Variants in IGSF11 observed in about 807,000 individuals in gnomAD.
The protein encoded by IGSF11 is immunoglobulin superfamily member 11, also known as CXADR like 1.
In IGSF11, 22 loss-of-function variants were observed where a neutral mutation model predicts 41.0. That is an observed-to-expected ratio of 0.54 (90% CI 0.38 to 0.77). The LOEUF is 0.77. Among genes scored for constraint, IGSF11 ranks in the 30% least tolerant of loss-of-function variants. The pLI, the probability that IGSF11 is intolerant of heterozygous loss-of-function variation, is 0.00. For synonymous variants in IGSF11, 219 were observed against 201.3 expected, an observed-to-expected ratio of 1.09 and a Z score of -0.74; for missense variants, 444 against 530.8, an observed-to-expected ratio of 0.84 and a Z score of 1.61.
At chr3:118,924,543 T>C (rs1389676883) in intron 4 of IGSF11, among the ~76,000 whole-genome samples, 1 of 152,126 alleles carries the variant, frequency 6.6e-6, no homozygotes, top group Non-Finnish European at 1.5e-5. Flanking sequence ...CCAGATTTTA[T>C]AGAAGACAAA....
chr3:119,047,584 C>T (rs973600313), intron 1 of IGSF11, among the ~76,000 whole-genome samples: 3 of 152,074 alleles, frequency 2.0e-5, no homozygotes, highest in Non-Finnish European at 2.9e-5. Flanking sequence ...ATTAGACAGA[C>T]CAATGAGACA....
intron 1 of IGSF11, among the ~76,000 whole-genome samples, chr3:119,020,328 T>C (rs1428230184): frequency 6.6e-6 from 1 of 152,146 alleles, no homozygotes; most frequent in East Asian, 1.9e-4. Flanking sequence ...TGCCTCAGAC[T>C]CCACCTGTTT....
At chr3:119,110,128 C>A (rs1490402084), upstream of IGSF11, among the ~76,000 whole-genome samples, 2 of 152,226 alleles carry the variant, frequency 1.3e-5, no homozygotes, top group East Asian at 3.9e-4. Flanking sequence ...GAGCTGAGTT[C>A]AATTCCTGGG....
At position 118,902,447 on chromosome 3, in the gene IGSF11, T is replaced by TGCCCC; in HGVS notation, c.*72_*73insGGGGC. The TGCCCC allele has an allele frequency of 3.5e-6, 2 of 563,914 alleles. No individual in the cohort carries two copies. The highest frequency in any genetic ancestry group is 3.2e-5 in the East Asian group (1 of 31,444). The allele number at this position is 563,914 out of a possible 1,614,324, so 34.9% of individuals were successfully genotyped here. On this transcript the variant is annotated 3_prime_UTR_variant, in exon 7 of 7. Transcript: ENST00000393775. ...TAAGGAAGTGTTTCTTTCCCAGCACTCCCCACCCCACCCTCCCCCTTGTAT... is the reference window on the plus strand; with the variant it reads ...TAAGGAAGTGTTTCTTTCCCAGCACTGCCCCCCCCACCCCACCCTCCCCCTTGTAT...
intron 1 of IGSF11, among the ~76,000 whole-genome samples, chr3:119,044,825 G>C (rs956831553): frequency 2.6e-5 from 4 of 152,104 alleles, no homozygotes; most frequent in African/African-American, 9.7e-5. Context: ...ACGAAGGAGA[G>C]ATAAAGTCTT....
intron 1 of IGSF11, among the ~76,000 whole-genome samples, chr3:118,974,399 G>A (rs1004977856): frequency 2.0e-5 from 3 of 152,200 alleles, no homozygotes; most frequent in African/African-American, 7.2e-5. Context: ...TATTAGCAAT[G>A]AGAATCATCA....
At position 118,961,951 on chromosome 3, in the gene IGSF11, T is replaced by C. The variant is rs117667023; in HGVS notation, c.53-31676A>G. 2.7e-3 allele frequency among the ~76,000 whole-genome samples: 413 copies of C among 152,312 alleles called. 16 individuals are homozygous for C. The highest frequency in any genetic ancestry group is 0.019 in the Admixed American group (297 of 15,298). Reference sequence around the variant, plus strand: ...CTCATTTCTTATACTTTAATAAATGTGGTATGCCCCATGAAAGTTATTTCA... The same window carrying C: ...CTCATTTCTTATACTTTAATAAATGCGGTATGCCCCATGAAAGTTATTTCA... On this transcript the variant is annotated intron_variant, in intron 1 of 6. Transcript: ENST00000393775.
chr3:119,060,551 T>C (rs1031873826), intron 1 of IGSF11, among the ~76,000 whole-genome samples: 3 of 152,328 alleles, frequency 2.0e-5, no homozygotes, highest in Middle Eastern at 3.4e-3. Context: ...AACACAATCA[T>C]CTTATTTAAA....
intron 1 of IGSF11, among the ~76,000 whole-genome samples, chr3:118,933,967 A>G (rs913889915): frequency 6.6e-6 from 1 of 151,460 alleles, no homozygotes; most frequent in Non-Finnish European, 1.5e-5. Flanking sequence ...CTTATCATAG[A>G]CTTCCCCCTC....
intron 1 of IGSF11, among the ~76,000 whole-genome samples, chr3:119,028,302 T>A (rs1170044276): frequency 6.6e-6 from 1 of 152,158 alleles, no homozygotes; most frequent in African/African-American, 2.4e-5. Context: ...CAACTGCCAG[T>A]CTTGCCAAAC....
intron 1 of IGSF11, among the ~76,000 whole-genome samples, chr3:119,130,791 A>G (rs1266412477): frequency 6.6e-6 from 1 of 152,182 alleles, no homozygotes; most frequent in Non-Finnish European, 1.5e-5. Flanking sequence ...GGGCCAAAAG[A>G]CACCTCATAC....
intron 1 of IGSF11, among the ~76,000 whole-genome samples, chr3:119,019,418 G>A (rs755017895): frequency 1.3e-5 from 2 of 148,996 alleles, no homozygotes; most frequent in Non-Finnish European, 3.0e-5. Context: ...TCAGGAAGAT[G>A]ATTAGATTGG....
chr3:119,038,095 G>C (rs1237019790), upstream of IGSF11, among the ~76,000 whole-genome samples: 1 of 152,002 alleles, frequency 6.6e-6, no homozygotes, highest in Non-Finnish European at 1.5e-5. Flanking sequence ...CCTTTTAGAA[G>C]TAAAATTTTA....
chr3:118,972,245 T>C (rs572889919), intron 1 of IGSF11, among the ~76,000 whole-genome samples: 1 of 152,324 alleles, frequency 6.6e-6, no homozygotes, highest in African/African-American at 2.4e-5. Context: ...TCCAGACAGA[T>C]ACAAGGATTT....
intron 1 of IGSF11, among the ~76,000 whole-genome samples, chr3:119,023,675 A>G (rs1369781105): frequency 6.6e-6 from 1 of 152,218 alleles, no homozygotes; most frequent in East Asian, 1.9e-4. Context: ...AAACATGAAC[A>G]TGAATTAGTT....
At chr3:118,967,954 G>A (rs1945798229) in intron 1 of IGSF11, among the ~76,000 whole-genome samples, 1 of 152,092 alleles carries the variant, frequency 6.6e-6, no homozygotes, top group African/African-American at 2.4e-5. Flanking sequence ...ACACAGGGTA[G>A]TTTCCAGTTC....
Position 119,066,860 on chromosome 3 carries a change from A to G in IGSF11, c.49+38284T>C, listed in dbSNP as rs373893006. Among the ~76,000 whole-genome samples the G allele has an allele frequency of 5.0e-4, 76 of 152,260 alleles. 1 individual carries two copies. The highest frequency in any genetic ancestry group is 1.8e-3 in the African/African-American group (75 of 41,552). On this transcript the variant is annotated intron_variant, in intron 1 of 6. Coordinates refer to the IGSF11 transcript ENST00000354673. ...ATCTATTGAGTTCTTGATTTCAGAT[A>G]TTATACTTTTTAGTTTTATACATCT...
At chr3:118,999,286 T>C (rs546570098) in intron 1 of IGSF11, among the ~76,000 whole-genome samples, 74 of 152,182 alleles carry the variant, frequency 4.9e-4, no homozygotes, top group African/African-American at 1.4e-3. Flanking sequence ...AAGTGAACCA[T>C]GTATAAGAGT....
rs547818280 is a variant in IGSF11, at chr3:118,936,058, TAAG to T, written c.53-5786_53-5784del. ...TAGAGTAATAAAAAGTTTCTTAGAGTAAGAAGGAGGGAAATGGGTGTTTTTTTG... is the reference window on the plus strand; with the variant it reads ...TAGAGTAATAAAAAGTTTCTTAGAGTAAGGAGGGAAATGGGTGTTTTTTTG... On this transcript the variant is annotated intron_variant, in intron 1 of 6. Coordinates refer to ENST00000393775, the MANE Select transcript of IGSF11 (RefSeq NM_001015887.3). 9.9e-5 allele frequency among the ~76,000 whole-genome samples: 15 copies of T among 152,142 alleles called. 1 individual carries two copies. In the South Asian group the frequency reaches 3.1e-3, roughly 32 times the overall value.
Sources: gnomAD v4.1 joint callset for allele counts (sites outside exome capture counted in the v4.1 genomes callset) on GRCh38, gnomAD v4.1.1 for gene constraint, MANE v1.5 for transcripts, NCBI Gene and HGNC (gene_info 2026-07-23, HGNC 2026-07-21) for gene names.